TRHDE: variants seen among roughly 807,000 people sequenced by gnomAD.
The protein encoded by TRHDE is thyrotropin releasing hormone degrading enzyme, also known as thyrotropin-releasing hormone-degrading ectoenzyme.
TRHDE carries 72 observed loss-of-function variants against 125.7 expected under a neutral mutation model. That is an observed-to-expected ratio of 0.57 (90% CI 0.47 to 0.70). The LOEUF (loss-of-function observed/expected upper bound fraction) is 0.70. Among genes scored for constraint, TRHDE ranks in the 30% least tolerant of loss-of-function variants. The pLI, the probability that TRHDE is intolerant of heterozygous loss-of-function variation, is 0.00. For synonymous variants in TRHDE, 509 were observed against 509.1 expected (o/e 1.00, Z 0.00); for missense variants, 1,110 against 1,327.1 (o/e 0.84, Z 2.54).
Position 72,555,616 on chromosome 12 carries a change from T to G in TRHDE, c.1789-6549T>G, listed in dbSNP as rs191902067. Among the ~76,000 whole-genome samples the G allele has an allele frequency of 3.0e-3, 462 of 152,322 alleles. 1 individual carries two copies. The highest frequency in any genetic ancestry group is 0.011 in the African/African-American group (442 of 41,576). ...TAAAATTTCCATCAATTTCTAGGTA[T>G]GAATCCACATAGACACCTTGGTCTA... is the stretch of plus-strand genomic sequence containing the variant. On this transcript the variant is annotated intron_variant, in intron 7 of 18. Coordinates refer to ENST00000261180, the MANE Select transcript of TRHDE (RefSeq NM_013381.3).
chr12:72,559,424 T>C (rs536263781), intron 7 of TRHDE, among the ~76,000 whole-genome samples: 9 of 152,230 alleles, frequency 5.9e-5, no homozygotes, highest in Non-Finnish European at 1.0e-4. Context: ...AGGCAGGCTC[T>C]TGTTACTGCA....
intron 2 of TRHDE, among the ~76,000 whole-genome samples, chr12:72,153,008 T>C (rs1876408007): frequency 6.6e-6 from 1 of 152,228 alleles, no homozygotes; most frequent in Admixed American, 6.5e-5. Flanking sequence ...AGAATTCGGC[T>C]GTGAATCCAT....
At chr12:72,401,345 G>T (rs1411966546) in intron 3 of TRHDE, among the ~76,000 whole-genome samples, 1 of 152,090 alleles carries the variant, frequency 6.6e-6, no homozygotes, top group African/African-American at 2.4e-5. Context: ...ACATCCTTAT[G>T]TGGTAATTAC....
intron 3 of TRHDE, among the ~76,000 whole-genome samples, chr12:72,421,284 G>A (rs1873942211): frequency 6.6e-6 from 1 of 152,156 alleles, no homozygotes; most frequent in Admixed American, 6.5e-5. Context: ...TCCTAGGGCT[G>A]GAGGTGACTC....
At chr12:72,546,105 G>A (rs1044108685) in intron 7 of TRHDE, among the ~76,000 whole-genome samples, 16 of 151,586 alleles carry the variant, frequency 1.1e-4, no homozygotes, top group African/African-American at 2.2e-4. Context: ...CCTGCATTCC[G>A]ATTCTTCATC....
At chr12:72,294,291 A>T (rs1434885985) in intron 2 of TRHDE, among the ~76,000 whole-genome samples, 1 of 152,024 alleles carries the variant, frequency 6.6e-6, no homozygotes, top group Admixed American at 6.5e-5. Flanking sequence ...TATGTAGGGG[A>T]GTGGAGGGTG....
intron 12 of TRHDE, among the ~76,000 whole-genome samples, chr12:72,605,806 C>A (rs560069423): frequency 1.3e-5 from 2 of 152,044 alleles, no homozygotes; most frequent in South Asian, 4.1e-4. Context: ...TATCCATTTT[C>A]TATTATTCAT....
intron 5 of TRHDE, among the ~76,000 whole-genome samples, chr12:72,481,569 T>A (rs1242043140): frequency 6.6e-6 from 1 of 151,556 alleles, no homozygotes; most frequent in Non-Finnish European, 1.5e-5. Context: ...TCTTTTTTTT[T>A]TTTTTTTGAG....
At chr12:72,174,599 C>A (rs1447638199) in intron 2 of TRHDE, among the ~76,000 whole-genome samples, 1 of 151,718 alleles carries the variant, frequency 6.6e-6, no homozygotes, top group Non-Finnish European at 1.5e-5. Context: ...TTTTTTCCTT[C>A]ATGGATGATA....
At chr12:72,510,082 C>G (rs1426537485) in intron 6 of TRHDE, among the ~76,000 whole-genome samples, 1 of 152,154 alleles carries the variant, frequency 6.6e-6, no homozygotes, top group East Asian at 1.9e-4. Flanking sequence ...GGACCCCCTT[C>G]TGTGAGCTCA....
chr12:72,336,959 C>G (rs1164825781), intron 2 of TRHDE, among the ~76,000 whole-genome samples: 1 of 152,198 alleles, frequency 6.6e-6, no homozygotes, highest in East Asian at 1.9e-4. Flanking sequence ...GCATTGACAT[C>G]ATCTGTGAGC....
At chr12:72,175,918 T>C (rs2139338288) in intron 2 of TRHDE, among the ~76,000 whole-genome samples, 1 of 152,292 alleles carries the variant, frequency 6.6e-6, no homozygotes, top group African/African-American at 2.4e-5. Flanking sequence ...GACGCTGAGA[T>C]GGAGTTTAGC....
chr12:72,171,384 G>C (rs1876870403), intron 2 of TRHDE, among the ~76,000 whole-genome samples: 1 of 152,148 alleles, frequency 6.6e-6, no homozygotes, highest in African/African-American at 2.4e-5. Context: ...TGTAGCTTAG[G>C]CTTAAAAAAT....
intron 2 of TRHDE, among the ~76,000 whole-genome samples, chr12:72,317,893 C>A (rs1178958715): frequency 6.6e-6 from 1 of 151,878 alleles, no homozygotes; most frequent in Admixed American, 6.6e-5. Flanking sequence ...GCTGAAGGGG[C>A]AGGAGGAAGG....
intron 6 of TRHDE, among the ~76,000 whole-genome samples, chr12:72,518,365 CTTA>C (rs1878991626): frequency 1.3e-5 from 2 of 149,010 alleles, no homozygotes; most frequent in Admixed American, 1.3e-4. Context: ...ATAGTTAGCT[CTTA>C]TTGTTGAATT....
At chr12:72,496,580 A>C (rs1877929853) in intron 5 of TRHDE, among the ~76,000 whole-genome samples, 1 of 152,196 alleles carries the variant, frequency 6.6e-6, no homozygotes, top group South Asian at 2.1e-4. Context: ...GGAGATTATT[A>C]TAATCGAAGG....
chr12:72,395,989 C>A (rs112167798), intron 3 of TRHDE, among the ~76,000 whole-genome samples: 15 of 152,108 alleles, frequency 9.9e-5, no homozygotes, highest in African/African-American at 3.4e-4. Context: ...CATCTGTACT[C>A]ATATATCTTG....
At chr12:72,269,115 A>C (rs189891470), upstream of TRHDE, among the ~76,000 whole-genome samples, 1 of 151,738 alleles carries the variant, frequency 6.6e-6, no homozygotes, top group Non-Finnish European at 1.5e-5. Flanking sequence ...CTGAAATTTC[A>C]CCCCCCCACT....
chr12:72,170,378 C>T (rs770186500), intron 2 of TRHDE, among the ~76,000 whole-genome samples: 6 of 152,106 alleles, frequency 3.9e-5, no homozygotes, highest in African/African-American at 7.2e-5. Flanking sequence ...AACAAGGACA[C>T]GCAATGAGGT....
Sources: gnomAD v4.1 joint callset for allele counts (sites outside exome capture counted in the v4.1 genomes callset) on GRCh38, gnomAD v4.1.1 for gene constraint, MANE v1.5 for transcripts, NCBI Gene and HGNC (gene_info 2026-07-23, HGNC 2026-07-21) for gene names.